FAM167A: variants seen among roughly 807,000 people sequenced by gnomAD.
The protein encoded by FAM167A is protein FAM167A.
In FAM167A, 23 loss-of-function variants were observed where a neutral mutation model predicts 14.9. That is an observed-to-expected ratio of 1.55 (90% CI 1.11 to 2.19). The LOEUF is 2.19. FAM167A is among the 30% of genes most tolerant of loss of function. The probability of loss-of-function intolerance (pLI) is 0.00; values close to 1 mark genes in which losing one functional copy is unlikely to be tolerated. For synonymous variants in FAM167A, 174 were observed against 117.7 expected (o/e 1.48, Z -3.10); for missense variants, 401 against 281.5 (o/e 1.42, Z -3.04).
intron 1 of FAM167A, among the ~76,000 whole-genome samples, chr8:11,457,969 C>T (rs1807400361): frequency 6.6e-6 from 1 of 152,210 alleles, no homozygotes; most frequent in Non-Finnish European, 1.5e-5. Context: ...GTGTCCCGAG[C>T]ACAGGGCCCT....
chr8:11,422,825 G>A lies in FAM167A; in HGVS notation c.*1548C>T, dbSNP rs1348490244. 6.5e-6 allele frequency: 1 copy of A among 152,690 alleles called. No individual in the cohort carries two copies. The highest frequency in any genetic ancestry group is 2.1e-4 in the South Asian group (1 of 4,824). The allele number at this position is 152,690 out of a possible 1,614,324, so 9.5% of individuals were successfully genotyped here. A position where few individuals can be genotyped will look rare whatever the true frequency, so the allele number is the denominator to read the frequency against. ...GATGCCGTGCGTAGACCATGGGACA[G>A]TGATTAGTGACACATGCCCTGTGGG... On this transcript the variant is annotated 3_prime_UTR_variant, in exon 3 of 3. Coordinates refer to ENST00000284486, the MANE Select transcript of FAM167A (RefSeq NM_053279.3).
Position 11,421,781 on chromosome 8 carries a change from G to A in FAM167A, c.*2592C>T, listed in dbSNP as rs1804748874. 2.5e-6 allele frequency: 1 copy of A among 398,944 alleles called. No individual in the cohort carries two copies. Among genetic ancestry groups the A allele is most frequent in the Non-Finnish European group, 4.4e-6 (1 of 226,090 alleles). 24.7% of individuals were successfully genotyped at this position (398,944 alleles called of 1,614,324 possible). A position where few individuals can be genotyped will look rare whatever the true frequency, so the allele number is the denominator to read the frequency against. ...GATGCTTGGGGATGGCAGAGAGATG[G>A]ATGGATAATGAGTACAACTGCAAAC... On this transcript the variant is annotated 3_prime_UTR_variant, in exon 3 of 3. Coordinates refer to ENST00000284486, the MANE Select transcript of FAM167A (RefSeq NM_053279.3).
rs1806643080 is a variant in FAM167A at position 11,444,293 on chromosome 8, T to C, written c.119A>G (p.Glu40Gly). The C allele has an allele frequency of 9.9e-6, 16 of 1,611,588 alleles. No individual in the cohort carries two copies. Among genetic ancestry groups the C allele is most frequent in the Admixed American group, 1.7e-5 (1 of 59,944 alleles). Residue 40 changes from glutamate (E) to glycine (G), a missense_variant, in exon 2 of 3, where the codon GAG becomes GGG. By Grantham distance (98) the Glu-to-Gly change is moderately conservative. Transcript: ENST00000284486. The stretch of plus-strand genomic sequence containing the variant: ...TTCCAGGTAGGAGGGCCTGCGGGTC[T>C]CCAGCCTCAGTTTCTCGGTGAGGGC... Reference protein sequence around the residue: ...LKALTEKLRLETRRPSYLEWQ... With the variant: ...LKALTEKLRLGTRRPSYLEWQ...
chr8:11,435,524 C>G (rs1303925448), intron 2 of FAM167A, among the ~76,000 whole-genome samples: 1 of 152,232 alleles, frequency 6.6e-6, no homozygotes, highest in African/African-American at 2.4e-5. Context: ...ATTTTCCACA[C>G]TACATTACCC....
Position 11,422,114 on chromosome 8 carries a change from C to G in FAM167A, c.*2259G>C, listed in dbSNP as rs568291593. The stretch of plus-strand genomic sequence containing the variant: ...ATGTGTCTTGATCTTAGTTTCCACC[C>G]AGAGAATGAAGAAAGCAAGCAAGCA... On this transcript the variant is annotated 3_prime_UTR_variant, in exon 3 of 3. Transcript: ENST00000284486. The G allele has an allele frequency of 8.1e-4, 244 of 300,250 alleles. No individual in the cohort carries two copies. The highest frequency in any genetic ancestry group is 1.3e-3 in the Non-Finnish European group (208 of 164,666). The allele number at this position is 300,250 out of a possible 1,614,324, so 18.6% of individuals were successfully genotyped here. A position where few individuals can be genotyped will look rare whatever the true frequency, so the allele number is the denominator to read the frequency against.
chr8:11,456,156 G>T (rs1807277786), intron 1 of FAM167A, among the ~76,000 whole-genome samples: 1 of 16,776 alleles, frequency 6.0e-5, no homozygotes, highest in Non-Finnish European at 1.2e-4. Context: ...TGTGAATGTG[G>T]GGGGTGGTTG....
chr8:11,459,939 G>A (rs1384555610), intron 1 of FAM167A, among the ~76,000 whole-genome samples: 4 of 152,194 alleles, frequency 2.6e-5, no homozygotes, highest in African/African-American at 9.6e-5. Context: ...TATTGGCCAG[G>A]CTGGTCTTGA....
chr8:11,474,024 C>T (rs1039828812), intron 1 of FAM167A, among the ~76,000 whole-genome samples: 1 of 152,128 alleles, frequency 6.6e-6, no homozygotes, highest in Admixed American at 6.5e-5. Flanking sequence ...CAGGCATGCG[C>T]CACCATGCCC....
At chr8:11,443,263 C>G (rs1470204121) in intron 2 of FAM167A, among the ~76,000 whole-genome samples, 1 of 152,212 alleles carries the variant, frequency 6.6e-6, no homozygotes, top group African/African-American at 2.4e-5. Context: ...CTCTGCCCCC[C>G]CACCCTGTTC....
intron 2 of FAM167A, 69 bp downstream of exon 2, chr8:11,443,962 G>A (rs996231118): frequency 3.3e-6 from 5 of 1,528,732 alleles, no homozygotes; most frequent in Middle Eastern, 1.8e-4. Flanking sequence ...GACAGAGAGA[G>A]ACAGAAAAAG....
rs76733025 is a variant in FAM167A at position 11,442,543 on chromosome 8, C to G, written c.381+1488G>C. On this transcript the variant is annotated intron_variant, in intron 2 of 2. Coordinates refer to ENST00000284486, the MANE Select transcript of FAM167A (RefSeq NM_053279.3). The stretch of plus-strand genomic sequence containing the variant: ...AGGCAATAAAATCTCGAACTCGAAA[C>G]CAACAAATAGTATCTTTGATGAACA... 9.1e-3 allele frequency among the ~76,000 whole-genome samples: 1,384 copies of G among 152,280 alleles called. 6 individuals are homozygous for G. Among genetic ancestry groups the G allele is most frequent in the Middle Eastern group, 0.034 (10 of 294 alleles).
Position 11,424,554 on chromosome 8 carries a change from T to A in FAM167A, c.464A>T (p.His155Leu). The A allele has an allele frequency of 6.2e-7, 1 of 1,614,074 alleles. No homozygotes were observed. The highest frequency in any genetic ancestry group is 1.6e-4 in the Middle Eastern group (1 of 6,062). ...CATCCTCCTGTGGAGGCGGCAGGTG[T>A]GTTCGATTTTCAGCTTGTTGATGTC... ...RGDINKLKIE[H>L]TCRLHRRMLN... Residue 155 changes from histidine to leucine, a missense_variant, in exon 3 of 3, where the codon CAC becomes CTC. Physicochemically the swap from His to Leu is moderately conservative, Grantham distance 99. Coordinates refer to ENST00000284486, the MANE Select transcript of FAM167A (RefSeq NM_053279.3).
At chr8:11,475,866 C>A (rs1430322089) in exon 1 of FAM167A, among the ~76,000 whole-genome samples, 2 of 152,192 alleles carry the variant, frequency 1.3e-5, no homozygotes, top group Non-Finnish European at 2.9e-5. Context: ...CCACACTCAC[C>A]CCTGTGGACG....
At chr8:11,470,998 G>A (rs989320295), upstream of FAM167A, among the ~76,000 whole-genome samples, 1 of 152,218 alleles carries the variant, frequency 6.6e-6, no homozygotes, top group Non-Finnish European at 1.5e-5. Context: ...CCATTTAGGG[G>A]CGGCTGGCTC....
chr8:11,425,285 A>G (rs1009605343), intron 2 of FAM167A, among the ~76,000 whole-genome samples: 1 of 152,196 alleles, frequency 6.6e-6, no homozygotes, highest in African/African-American at 2.4e-5. Context: ...TGTCACCATC[A>G]TCACCCACAG....
chr8:11,456,844 A>C (rs1466265736), intron 1 of FAM167A, among the ~76,000 whole-genome samples: 1 of 125,628 alleles, frequency 8.0e-6, no homozygotes, highest in Non-Finnish European at 1.6e-5. Context: ...GGGTTAGGGA[A>C]GTGGGCAGGG....
chr8:11,467,361 A>C (rs966407062), upstream of FAM167A, among the ~76,000 whole-genome samples: 1 of 152,260 alleles, frequency 6.6e-6, no homozygotes, highest in East Asian at 1.9e-4. Flanking sequence ...TCCCTGCTGC[A>C]TCAGAGCCCA....
chr8:11,442,956 T>G (rs1009516424), intron 2 of FAM167A, among the ~76,000 whole-genome samples: 7 of 152,158 alleles, frequency 4.6e-5, no homozygotes, highest in African/African-American at 1.7e-4. Context: ...CCTGAGGCAT[T>G]CCAGGCCTCA....
In FAM167A at chr8:11,461,286, T is replaced by C. The variant is rs183725417; in HGVS notation, c.-398+5340A>G. 1.1e-4 allele frequency among the ~76,000 whole-genome samples: 16 copies of C among 152,230 alleles called. No homozygotes were observed. The East Asian group carries it at 3.1e-3, about 29-fold the overall frequency. ...TGAGAATCTGACAGTTTGGAGGAGA[T>C]GGGGAGGGGGAAAGTAGCCATGGGA... On this transcript the variant is annotated intron_variant, in intron 1 of 2. Coordinates refer to ENST00000284486, the MANE Select transcript of FAM167A (RefSeq NM_053279.3).
Sources: gnomAD v4.1 joint callset for allele counts (sites outside exome capture counted in the v4.1 genomes callset) on GRCh38, gnomAD v4.1.1 for gene constraint, MANE v1.5 for transcripts, NCBI Gene and HGNC (gene_info 2026-07-23, HGNC 2026-07-21) for gene names.